The following LIPK variants were observed in gnomAD, a reference collection of about 807,000 sequenced individuals.
LIPK encodes the protein lipase member K.
LIPK carries 32 observed loss-of-function variants against 48.6 expected under a neutral mutation model. The ratio of observed to expected loss-of-function variants is 0.66; its 90% CI spans 0.50 to 0.88. LIPK has a LOEUF of 0.88. LIPK is among the 40% of genes least tolerant of loss of function. The pLI is 0.00. For synonymous variants in LIPK, 164 were observed against 157.4 expected (o/e 1.04, Z -0.32); for missense variants, 507 against 478.5 (o/e 1.06, Z -0.56).
chr10:88,743,672 T>C (rs767606623), intron 9 of LIPK, among the ~76,000 whole-genome samples: 3 of 151,896 alleles, frequency 2.0e-5, no homozygotes, highest in Non-Finnish European at 4.4e-5. Context: ...TCAAGAAGAT[T>C]GGAACACTCT....
chr10:88,718,873 T>C (rs1045843386), intron 1 of LIPK, among the ~76,000 whole-genome samples: 1 of 152,182 alleles, frequency 6.6e-6, no homozygotes, highest in Admixed American at 6.5e-5. Context: ...AATTAATAAG[T>C]AAACAGAAAT....
intron 1 of LIPK, among the ~76,000 whole-genome samples, chr10:88,723,251 T>C (rs756295462): frequency 6.6e-6 from 1 of 152,220 alleles, no homozygotes; most frequent in Admixed American, 6.5e-5. Flanking sequence ...GGCACATTAT[T>C]TGGTACATAA....
intron 1 of LIPK, among the ~76,000 whole-genome samples, chr10:88,707,122 A>G (rs545563780): frequency 1.1e-4 from 16 of 152,258 alleles, no homozygotes; most frequent in African/African-American, 3.4e-4. Flanking sequence ...CAAAATAGTT[A>G]TCCTTTGTTT....
intron 1 of LIPK, among the ~76,000 whole-genome samples, chr10:88,720,699 T>G (rs1348685900): frequency 1.7e-5 from 2 of 114,720 alleles, no homozygotes; most frequent in African/African-American, 7.5e-5. Context: ...AGTCTGAATA[T>G]CCAAGCAAGT....
Position 88,724,471 on chromosome 10 carries a change from C to T in LIPK, c.-11-62C>T, listed in dbSNP as rs1240124140. The stretch of plus-strand genomic sequence containing the variant: ...TCATAGCAGTGTTATAAAAAGATTA[C>T]ACCAAATTTCACTTCGTAGAATTTA... On this transcript the variant is annotated intron_variant, in intron 1 of 9. Coordinates refer to ENST00000404190, the MANE Select transcript of LIPK (RefSeq NM_001080518.2). 8.2e-6 allele frequency: 8 copies of T among 977,152 alleles called. No homozygotes were observed. In the Admixed American group the frequency reaches 9.4e-5, roughly 12 times the overall value. 60.5% of individuals were successfully genotyped at this position (977,152 alleles called of 1,614,324 possible).
At chr10:88,735,320 T>C (rs1842549608) in intron 6 of LIPK, among the ~76,000 whole-genome samples, 1 of 152,200 alleles carries the variant, frequency 6.6e-6, no homozygotes, top group Non-Finnish European at 1.5e-5. Flanking sequence ...TATAGATTGC[T>C]TTGATCCTTT....
chr10:88,715,473 A>G (rs1465315331), intron 1 of LIPK, among the ~76,000 whole-genome samples: 2 of 151,956 alleles, frequency 1.3e-5, no homozygotes, highest in African/African-American at 4.8e-5. Context: ...TCTTATTCTT[A>G]CTGCTTGTAT....
chr10:88,728,605 T>C, intron 3 of LIPK: 1 of 477,734 alleles, frequency 2.1e-6, no homozygotes, highest in Non-Finnish European at 4.2e-6. Context: ...CTGATGAATG[T>C]CAAGCTGGCC....
intron 6 of LIPK, among the ~76,000 whole-genome samples, chr10:88,732,783 C>A (rs974495218): frequency 6.6e-6 from 1 of 152,180 alleles, no homozygotes; most frequent in African/African-American, 2.4e-5. Context: ...GTGTCTGCTG[C>A]GCCATTCCTC....
intron 3 of LIPK, among the ~76,000 whole-genome samples, chr10:88,730,599 C>T (rs952640298): frequency 1.2e-4 from 18 of 152,246 alleles, no homozygotes; most frequent in African/African-American, 4.3e-4. Flanking sequence ...ACCAGACAGC[C>T]TTTTACATGT....
chr10:88,736,454 A>G (rs1842573320), intron 6 of LIPK, among the ~76,000 whole-genome samples: 1 of 152,204 alleles, frequency 6.6e-6, no homozygotes, highest in Non-Finnish European at 1.5e-5. Flanking sequence ...TAGTAGCAGC[A>G]TACACTCATA....
chr10:88,712,441 T>A (rs1842042914), intron 1 of LIPK, among the ~76,000 whole-genome samples: 1 of 152,182 alleles, frequency 6.6e-6, no homozygotes, highest in Admixed American at 6.5e-5. Flanking sequence ...AGCAAATCCA[T>A]ACTGTGGACC....
intron 1 of LIPK, among the ~76,000 whole-genome samples, chr10:88,713,324 C>A (rs1842057961): frequency 1.3e-5 from 2 of 152,104 alleles, no homozygotes; most frequent in South Asian, 4.1e-4. Context: ...ATAGTTATTT[C>A]CAATTGTTAT....
chr10:88,743,521 A>G (rs2134779344), intron 9 of LIPK, among the ~76,000 whole-genome samples, 200 bp downstream of exon 9: 1 of 152,200 alleles, frequency 6.6e-6, no homozygotes. Context: ...GGTAAATATT[A>G]TTATCCCTAT....
intron 6 of LIPK, among the ~76,000 whole-genome samples, chr10:88,734,628 G>T (rs1194389564): frequency 6.6e-6 from 1 of 152,152 alleles, no homozygotes; most frequent in Non-Finnish European, 1.5e-5. Flanking sequence ...ACATCAAGAA[G>T]GGTGAAAGAT....
chr10:88,740,885 TAGA>T (rs1246905799), intron 8 of LIPK, among the ~76,000 whole-genome samples: 2 of 152,104 alleles, frequency 1.3e-5, no homozygotes, highest in East Asian at 1.9e-4. Flanking sequence ...ATCGCTACTA[TAGA>T]TAGCCTGAAA....
chr10:88,724,731 T>TA, intron 2 of LIPK, 83 bp downstream of exon 2: 1 of 924,916 alleles, frequency 1.1e-6, no homozygotes, highest in Non-Finnish European at 1.6e-6. Flanking sequence ...TGTGCCTTCT[T>TA]AGTTTTCAGC....
intron 1 of LIPK, among the ~76,000 whole-genome samples, chr10:88,724,067 G>A (rs1335840658): frequency 6.6e-6 from 1 of 152,122 alleles, no homozygotes; most frequent in Admixed American, 6.6e-5. Context: ...ATTACTGAGT[G>A]AAGGTTATGA....
chr10:88,739,366 T>C (rs894441413), intron 7 of LIPK, among the ~76,000 whole-genome samples: 1 of 152,226 alleles, frequency 6.6e-6, no homozygotes, highest in African/African-American at 2.4e-5. Flanking sequence ...TAATCCCCTA[T>C]ACCCTTGAAC....
Sources: allele counts gnomAD v4.1 joint callset (sites outside exome capture counted in the v4.1 genomes callset), GRCh38; gene constraint gnomAD v4.1.1; transcripts MANE v1.5; gene names NCBI Gene and HGNC (gene_info 2026-07-23, HGNC 2026-07-21).